PLEKHG5: variants seen among roughly 807,000 people sequenced by gnomAD.
The protein encoded by PLEKHG5 is pleckstrin homology and RhoGEF domain containing G5, also known as pleckstrin homology domain-containing family G member 5.
A neutral mutation model predicts 103.8 loss-of-function variants in PLEKHG5; 52 were observed. The ratio of observed to expected loss-of-function variants is 0.50; its 90% confidence interval spans 0.40 to 0.63. The LOEUF is 0.63. Among genes scored for constraint, PLEKHG5 ranks in the 30% least tolerant of loss-of-function variants. The pLI is 0.00. For missense variants in PLEKHG5, 1,205 were observed against 1,347.6 expected (o/e 0.89, Z 1.66); for synonymous variants, 592 against 575.5 (o/e 1.03, Z -0.41).
chr1:6,485,688 G>A (rs1340860908), intron 1 of PLEKHG5: 7 of 190,284 alleles, frequency 3.7e-5, no homozygotes, highest in South Asian at 3.3e-4. Flanking sequence ...CCGCCTGCCC[G>A]GGCGACCCCC....
At chr1:6,495,909 G>A (rs1645217472), upstream of PLEKHG5, among the ~76,000 whole-genome samples, 1 of 152,242 alleles carries the variant, frequency 6.6e-6, no homozygotes, top group South Asian at 2.1e-4. Context: ...ACAGGCAGAA[G>A]CGCCCAGCCA....
chr1:6,515,433 A>G (rs1253331570), intron 1 of PLEKHG5, among the ~76,000 whole-genome samples: 1 of 152,160 alleles, frequency 6.6e-6, no homozygotes, highest in African/African-American at 2.4e-5. Flanking sequence ...AGGCTGAGAC[A>G]GGAGAATCAC....
At chr1:6,489,715 T>G (rs551528598) in intron 1 of PLEKHG5, among the ~76,000 whole-genome samples, 1 of 152,172 alleles carries the variant, frequency 6.6e-6, no homozygotes, top group Non-Finnish European at 1.5e-5. Context: ...AGACCTGGTC[T>G]GGAGCCTACG....
At chr1:6,485,494 G>A (rs1011137538) in intron 1 of PLEKHG5, 17 of 1,240,018 alleles carry the variant, frequency 1.4e-5, no homozygotes, top group Non-Finnish European at 1.7e-5. Flanking sequence ...AAAGCGCGGA[G>A]CCCCGCTTCC....
intron 1 of PLEKHG5, among the ~76,000 whole-genome samples, chr1:6,508,271 G>A (rs1395960375): frequency 6.6e-6 from 1 of 152,272 alleles, no homozygotes; most frequent in African/African-American, 2.4e-5. Flanking sequence ...GGAGGAGGCC[G>A]GGCTCCACCC....
Position 6,491,374 on chromosome 1 carries a change from G to A in PLEKHG5, c.-88+263C>T, listed in dbSNP as rs1645149128. Among the ~76,000 whole-genome samples, 1 of 152,152 alleles carries A rather than the reference G, an allele frequency of 6.6e-6. No homozygotes were observed. The highest frequency in any genetic ancestry group is 2.4e-5 in the African/African-American group (1 of 41,412). ...CCCTTGGGGCTGGGCCTATACTAGG[G>A]CAGCTCCTGGCTGGGCCAGGGATCC... On this transcript the variant is annotated intron_variant, in intron 1 of 20. Coordinates refer to ENST00000377728, the MANE Select transcript of PLEKHG5 (RefSeq NM_020631.6). This position sits in a 1 kb window ranked among gnomAD's most constrained non-coding sequence, Gnocchi z 4.1.
intron 3 of PLEKHG5, among the ~76,000 whole-genome samples, 197 bp from the exon 4 acceptor site, chr1:6,475,719 G>A (rs1349036602): frequency 6.6e-6 from 1 of 152,154 alleles, no homozygotes; most frequent in Non-Finnish European, 1.5e-5. Flanking sequence ...AACGGTACCT[G>A]GTCTGGTGTG....
upstream of PLEKHG5, among the ~76,000 whole-genome samples, chr1:6,497,769 C>G (rs576266567): frequency 1.3e-5 from 2 of 152,272 alleles, no homozygotes; most frequent in East Asian, 3.9e-4. The surrounding 1 kb of genome is among the most constrained non-coding windows in gnomAD (Gnocchi z 6.1). Flanking sequence ...GAGGCTGCCC[C>G]GCGCAGGGTG....
Position 6,467,950 on chromosome 1 carries a change from C to T in PLEKHG5, c.2886G>A (p.Ser962=), listed in dbSNP as rs749015188. 112 of 1,572,668 alleles carry T rather than the reference C, an allele frequency of 7.1e-5. No homozygotes were observed. The highest frequency in any genetic ancestry group is 2.1e-4 in the South Asian group (18 of 86,618). The change falls in exon 20 of 21, where the codon TCG becomes TCA. Residue 962 remains serine (S), a synonymous_variant. Coordinates refer to ENST00000377728, the MANE Select transcript of PLEKHG5 (RefSeq NM_020631.6). Reference sequence around the variant, plus strand: ...CAGGCTGGACCCTGGGAGAGGCCCCCGAGGGCAGGTCTCCACACCTCTTCC... The same window carrying T: ...CAGGCTGGACCCTGGGAGAGGCCCCTGAGGGCAGGTCTCCACACCTCTTCC... The part of the protein sequence containing the change: ...SHRKRCGDLP[S]GASPRVQPEP...
chr1:6,471,734 C>G, intron 11 of PLEKHG5, 24 bp downstream of exon 11: 1 of 1,604,670 alleles, frequency 6.2e-7, no homozygotes, highest in South Asian at 1.1e-5. Flanking sequence ...CCTCACCCGC[C>G]GCCGCCCCCG....
rs377626507 is a variant in PLEKHG5 at position 6,479,317 on chromosome 1, C to T, written c.-87-1659G>A. On this transcript the variant is annotated intron_variant, in intron 1 of 20. Coordinates refer to ENST00000377728, the MANE Select transcript of PLEKHG5 (RefSeq NM_020631.6). ...TTTTTTTTTTTTTGAGACGGAGTCT[C>T]GCTCTGTCGCCCAGGCTGGAGTGCA... Among the ~76,000 whole-genome samples the T allele has an allele frequency of 7.8e-3, 1,073 of 136,940 alleles. 12 individuals are homozygous for T. The highest frequency in any genetic ancestry group is 0.028 in the African/African-American group (1,002 of 36,034). 89.8% of individuals were successfully genotyped at this position (136,940 alleles called of 152,430 possible).
chr1:6,519,513 C>T, exon 1 of PLEKHG5: 1 of 1,613,630 alleles, frequency 6.2e-7, no homozygotes. Context: ...TGAATTCATG[C>T]TTGACCTCTG....
chr1:6,476,678 C>T (rs1644772505), intron 2 of PLEKHG5, among the ~76,000 whole-genome samples: 1 of 152,232 alleles, frequency 6.6e-6, no homozygotes. Context: ...ATGGCTCTTT[C>T]TTCCAGGCCT....
chr1:6,476,451 C>G (rs1469175157), intron 2 of PLEKHG5, among the ~76,000 whole-genome samples: 1 of 152,158 alleles, frequency 6.6e-6, no homozygotes, highest in Non-Finnish European at 1.5e-5. Context: ...CCTCAGCCTC[C>G]CAAAGGGCTG....
At chr1:6,516,701 C>A (rs1638623063) in intron 1 of PLEKHG5, among the ~76,000 whole-genome samples, 1 of 149,656 alleles carries the variant, frequency 6.7e-6, no homozygotes, top group African/African-American at 2.5e-5. Flanking sequence ...TATGTATTGG[C>A]AAGTTTTTTG....
chr1:6,474,470 T>A lies in PLEKHG5; in HGVS notation c.420A>T (p.Gly140=), dbSNP rs547661915. ...TCTCACCTTTGACACGAAGGTAGTG[T>A]CCCCCGAACCTGTAGGCCTCGAAGG... is the stretch of plus-strand genomic sequence containing the variant. ...SLTFEAYRFG[G]HYLRVKAPAK... is the part of the protein sequence containing the mutation. The change falls in exon 6 of 21, where the codon GGA becomes GGT. Residue 140 remains glycine, a synonymous_variant. Coordinates refer to ENST00000377728, the MANE Select transcript of PLEKHG5 (RefSeq NM_020631.6). 7.4e-6 allele frequency: 12 copies of A among 1,613,884 alleles called. No individual in the cohort carries two copies. In the South Asian group the frequency reaches 1.2e-4, roughly 16 times the overall value.
chr1:6,470,253 C>T lies in PLEKHG5; in HGVS notation c.1783G>A (p.Glu595Lys). ...GGAATCACCTTGCTGTCCTTCCCCT[C>T]CTTCATCCTCAGGCTCCCCTCCAGC... is the stretch of plus-strand genomic sequence containing the variant. Reference protein sequence around the residue: ...LLLEGSLRMKEGKDSKMDVYC... With the variant: ...LLLEGSLRMKKGKDSKMDVYC... Residue 595 changes from glutamate to lysine, a missense_variant, in exon 16 of 21, where the codon GAG (glutamate) becomes AAG (lysine). Coordinates refer to ENST00000377728, the MANE Select transcript of PLEKHG5 (RefSeq NM_020631.6). 1 of 1,614,032 alleles carries T rather than the reference C, an allele frequency of 6.2e-7. No homozygotes were observed. The highest frequency in any genetic ancestry group is 8.5e-7 in the Non-Finnish European group (1 of 1,179,996).
At position 6,467,265 on chromosome 1, in the gene PLEKHG5, G is replaced by A. The variant is rs1400716427; in HGVS notation, c.*298C>T. ...TGAATCCCACTGGAGGCCAGTGAGG[G>A]TAGAAGTAGGATGGGCAGCCTAGGA... On this transcript the variant is annotated 3_prime_UTR_variant, in exon 21 of 21. Transcript: ENST00000377728. 8.9e-6 allele frequency: 5 copies of A among 563,324 alleles called. No homozygotes were observed. In the East Asian group the frequency reaches 1.5e-4, roughly 17 times the overall value. 34.9% of individuals were successfully genotyped at this position (563,324 alleles called of 1,614,324 possible).
At chr1:6,499,364 A>C (rs1264996931), upstream of PLEKHG5, among the ~76,000 whole-genome samples, 1 of 152,108 alleles carries the variant, frequency 6.6e-6, no homozygotes, top group African/African-American at 2.4e-5. Flanking sequence ...ACTTCCTGGC[A>C]CTGGGGTCTA....
Sources: allele counts gnomAD v4.1 joint callset (sites outside exome capture counted in the v4.1 genomes callset), GRCh38; gene constraint gnomAD v4.1.1; non-coding constraint Gnocchi (gnomAD v3.1); transcripts MANE v1.5; gene names NCBI Gene and HGNC (gene_info 2026-07-23, HGNC 2026-07-21).